The following DPP10 variants were observed in gnomAD, a reference collection of about 807,000 sequenced individuals.
The protein encoded by DPP10 is dipeptidyl peptidase like 10.
A neutral mutation model predicts 120.9 loss-of-function variants in DPP10; 33 were observed. That is an observed-to-expected ratio of 0.27 (90% CI 0.21 to 0.37). The LOEUF is 0.37. Ranked by LOEUF, DPP10 falls within the 10% of genes least tolerant of loss-of-function variation. DPP10 has a pLI of 1.00. For synonymous variants in DPP10, 337 were observed against 326.1 expected (o/e 1.03, Z -0.36); for missense variants, 816 against 942.8 (o/e 0.87, Z 1.76).
At chr2:115,023,895 A>G (rs1237984358) in intron 1 of DPP10, among the ~76,000 whole-genome samples, 2 of 152,122 alleles carry the variant, frequency 1.3e-5, no homozygotes, top group African/African-American at 4.8e-5. Context: ...TTTTTAAGTA[A>G]AGTAACTCAG....
At chr2:115,082,537 C>T (rs1000568651) in intron 1 of DPP10, among the ~76,000 whole-genome samples, 1 of 152,198 alleles carries the variant, frequency 6.6e-6, no homozygotes, top group Non-Finnish European at 1.5e-5. Flanking sequence ...TTCTGGACTG[C>T]TTTGCATATT....
chr2:114,451,071 T>C (rs1259573629), intron 1 of DPP10, among the ~76,000 whole-genome samples: 3 of 151,694 alleles, frequency 2.0e-5, no homozygotes, highest in African/African-American at 7.3e-5. Context: ...ACTTATTGTA[T>C]TTAAAGATCG....
chr2:114,961,145 G>A (rs1698595541), intron 1 of DPP10, among the ~76,000 whole-genome samples: 1 of 133,430 alleles, frequency 7.5e-6, no homozygotes, highest in African/African-American at 2.8e-5. Context: ...TCCACCTCCC[G>A]GGTTCAAGCA....
intron 1 of DPP10, among the ~76,000 whole-genome samples, chr2:114,968,948 C>T (rs1047930035): frequency 2.6e-5 from 4 of 152,042 alleles, no homozygotes; most frequent in Non-Finnish European, 2.9e-5. Flanking sequence ...TGATAATGAC[C>T]TCATCAATTT....
At chr2:115,736,628 AG>A (rs1559091706) in intron 8 of DPP10, among the ~76,000 whole-genome samples, 1 of 152,132 alleles carries the variant, frequency 6.6e-6, no homozygotes, top group Non-Finnish European at 1.5e-5. Context: ...CTTGATGGAA[AG>A]GTTTTCATAT....
chr2:115,025,750 T>C (rs1055388414), intron 1 of DPP10, among the ~76,000 whole-genome samples: 1 of 152,130 alleles, frequency 6.6e-6, no homozygotes, highest in Non-Finnish European at 1.5e-5. Flanking sequence ...TTTTTTATGA[T>C]CAGTGATGTT....
Position 115,504,294 on chromosome 2 carries a change from T to TTG in DPP10, c.366+4690_366+4691insTG, listed in dbSNP as rs397985562. ...TGCCAACTTTTTTTTTTTTTTTTTT[T>TTG]ACTAGGAAGCAGTTGTTCCTTTTTA... On this transcript the variant is annotated intron_variant, in intron 4 of 25. Transcript: ENST00000410059. 2.5e-3 allele frequency among the ~76,000 whole-genome samples: 379 copies of TTG among 150,558 alleles called. 2 individuals carry two copies. The highest frequency in any genetic ancestry group is 9.0e-3 in the African/African-American group (371 of 41,126).
intron 1 of DPP10, among the ~76,000 whole-genome samples, chr2:114,690,432 A>G (rs1042399605): frequency 6.6e-6 from 1 of 151,866 alleles, no homozygotes; most frequent in East Asian, 1.9e-4. Context: ...ATTCTGTTCC[A>G]TTGTTCTGTG....
At chr2:114,813,434 C>A (rs1685353571) in intron 1 of DPP10, among the ~76,000 whole-genome samples, 1 of 152,154 alleles carries the variant, frequency 6.6e-6, no homozygotes, top group Non-Finnish European at 1.5e-5. Flanking sequence ...AAGTGCTTGG[C>A]TCCTGCACGC....
At chr2:114,615,418 G>A (rs1055417854) in intron 1 of DPP10, among the ~76,000 whole-genome samples, 3 of 152,108 alleles carry the variant, frequency 2.0e-5, no homozygotes, top group African/African-American at 7.2e-5. Context: ...TTAAAATAGA[G>A]TTAAGCAGTT....
At chr2:114,848,229 G>A (rs537713218) in intron 1 of DPP10, among the ~76,000 whole-genome samples, 1 of 152,298 alleles carries the variant, frequency 6.6e-6, no homozygotes, top group South Asian at 2.1e-4. Flanking sequence ...AATTTCTCAT[G>A]AGAAACTTTA....
chr2:114,686,964 A>G (rs1047207742), intron 1 of DPP10, among the ~76,000 whole-genome samples: 4 of 151,950 alleles, frequency 2.6e-5, no homozygotes, highest in African/African-American at 9.7e-5. Context: ...ATTTGCTCAT[A>G]TGTTGCTCAT....
At chr2:115,181,403 T>G (rs945960115) in intron 1 of DPP10, among the ~76,000 whole-genome samples, 1 of 152,296 alleles carries the variant, frequency 6.6e-6, no homozygotes, top group African/African-American at 2.4e-5. Context: ...CTGGTTCAAG[T>G]GTGTTGTTTA....
At chr2:114,678,997 CCAAA>C (rs1158974518) in intron 1 of DPP10, among the ~76,000 whole-genome samples, 4 of 152,004 alleles carry the variant, frequency 2.6e-5, no homozygotes, top group Non-Finnish European at 5.9e-5. Flanking sequence ...CCATTTGTAT[CCAAA>C]CAATTTGAGA....
At chr2:114,958,845 A>G (rs11885398) in intron 1 of DPP10, among the ~76,000 whole-genome samples, 2,177 of 152,262 alleles carry the variant, frequency 0.014, 51 homozygotes, top group African/African-American at 0.05. Flanking sequence ...TTTCTGTTTT[A>G]CAAATTTGTG....
intron 1 of DPP10, among the ~76,000 whole-genome samples, chr2:115,077,777 TTACTC>T (rs1707923389): frequency 6.6e-6 from 1 of 152,226 alleles, no homozygotes; most frequent in Non-Finnish European, 1.5e-5. Context: ...ACTCACTTGT[TTACTC>T]TAACATCTCA....
chr2:114,980,120 C>T (rs1168444217), intron 1 of DPP10, among the ~76,000 whole-genome samples: 1 of 152,012 alleles, frequency 6.6e-6, no homozygotes, highest in Non-Finnish European at 1.5e-5. Context: ...GTATAACTGA[C>T]AAATAAAACT....
intron 7 of DPP10, among the ~76,000 whole-genome samples, chr2:115,708,373 C>G (rs1192970412): frequency 6.6e-6 from 1 of 151,918 alleles, no homozygotes; most frequent in Non-Finnish European, 1.5e-5. Flanking sequence ...TATTAAAAGA[C>G]CGTGGTAAGT....
intron 1 of DPP10, among the ~76,000 whole-genome samples, chr2:114,676,182 A>G (rs7589409): frequency 0.45 from 68,995 of 152,008 alleles, 15,988 homozygotes; most frequent in South Asian, 0.55. Flanking sequence ...ATATGACTGT[A>G]ATATAAGTTA....
Sources: gnomAD v4.1 joint callset for allele counts (sites outside exome capture counted in the v4.1 genomes callset) on GRCh38, gnomAD v4.1.1 for gene constraint, MANE v1.5 for transcripts, NCBI Gene and HGNC (gene_info 2026-07-23, HGNC 2026-07-21) for gene names.